Variants in FNDC3B observed in about 807,000 individuals in gnomAD.
FNDC3B encodes fibronectin type III domain-containing protein 3B.
FNDC3B carries 12 observed loss-of-function variants against 151.5 expected under a neutral mutation model. The observed-to-expected ratio is 0.08, with a 90% CI of 0.05 to 0.13. The LOEUF (loss-of-function observed/expected upper bound fraction) is 0.13. FNDC3B is among the 10% of genes least tolerant of loss of function. FNDC3B has a pLI of 1.00. For missense variants in FNDC3B, 1,214 were observed against 1,505.3 expected, an observed-to-expected ratio of 0.81 and a Z score of 3.20; for synonymous variants, 528 against 549.0, an observed-to-expected ratio of 0.96 and a Z score of 0.54.
intron 3 of FNDC3B, chr3:172,186,812 T>G: frequency 1.3e-5 from 9 of 691,546 alleles, no homozygotes; most frequent in Non-Finnish European, 2.1e-5. Context: ...GTCATAGATA[T>G]TTCTTCATTA....
chr3:172,204,264 C>T (rs937846086), intron 3 of FNDC3B, among the ~76,000 whole-genome samples: 4 of 152,078 alleles, frequency 2.6e-5, no homozygotes, highest in African/African-American at 7.2e-5. Flanking sequence ...AAGCATGCAC[C>T]GGAGACGCTT....
chr3:172,127,396 T>C (rs1445400263), intron 2 of FNDC3B, among the ~76,000 whole-genome samples: 1 of 152,226 alleles, frequency 6.6e-6, no homozygotes, highest in Non-Finnish European at 1.5e-5. Flanking sequence ...GTATACATTT[T>C]GGTCAGACAT....
intron 1 of FNDC3B, among the ~76,000 whole-genome samples, chr3:172,094,987 TG>T (rs1719028441): frequency 6.6e-6 from 1 of 151,952 alleles, no homozygotes; most frequent in African/African-American, 2.4e-5. Flanking sequence ...GTGTTGCTGC[TG>T]GTGGTGGTAA....
At chr3:172,079,579 C>G (rs1718182574) in intron 1 of FNDC3B, among the ~76,000 whole-genome samples, 1 of 152,220 alleles carries the variant, frequency 6.6e-6, no homozygotes, top group Non-Finnish European at 1.5e-5. Context: ...TGAGGTCTTA[C>G]TTTAGCACTG....
At position 172,112,448 on chromosome 3, in the gene FNDC3B, G is replaced by T. The variant is rs200136895; in HGVS notation, c.-28-4G>T. On this transcript the variant is annotated splice_region_variant and splice_polypyrimidine_tract_variant and intron_variant, in intron 1 of 25. Coordinates refer to ENST00000415807, the MANE Select transcript of FNDC3B (RefSeq NM_022763.4). ...CTTTTTAAAAAGCGGCGGTTCTCTTGCAGGAAGCCAGTTGAGGGAAGTTCT... is the reference window on the plus strand; with the variant it reads ...CTTTTTAAAAAGCGGCGGTTCTCTTTCAGGAAGCCAGTTGAGGGAAGTTCT... 2 of 1,500,914 alleles carry T rather than the reference G, an allele frequency of 1.3e-6. No individual in the cohort carries two copies. Among genetic ancestry groups the T allele is most frequent in the African/African-American group, 2.7e-5 (2 of 72,846 alleles). The allele number at this position is 1,500,914 out of a possible 1,614,324, so 93.0% of individuals were successfully genotyped here. A position where few individuals can be genotyped will look rare whatever the true frequency, so the allele number is the denominator to read the frequency against.
At chr3:172,323,374 G>T (rs1049205524) in intron 11 of FNDC3B, among the ~76,000 whole-genome samples, 1 of 152,058 alleles carries the variant, frequency 6.6e-6, no homozygotes, top group African/African-American at 2.4e-5. Context: ...TTAGCCAGGT[G>T]TGGTGGTGCA....
At chr3:172,156,227 G>A (rs1240116028) in intron 3 of FNDC3B, among the ~76,000 whole-genome samples, 1 of 152,184 alleles carries the variant, frequency 6.6e-6, no homozygotes, top group East Asian at 1.9e-4. Flanking sequence ...TTAATCTCAT[G>A]TGTTTTGCCA....
intron 1 of FNDC3B, among the ~76,000 whole-genome samples, chr3:172,074,580 G>A (rs1008840834): frequency 9.2e-5 from 14 of 152,346 alleles, no homozygotes; most frequent in Admixed American, 7.2e-4. Context: ...TCTTTTGGCT[G>A]TAGAGTATGA....
intron 11 of FNDC3B, among the ~76,000 whole-genome samples, chr3:172,323,926 C>T (rs980531552): frequency 5.3e-5 from 8 of 152,194 alleles, no homozygotes; most frequent in South Asian, 2.1e-4. Flanking sequence ...GTATTCTAAG[C>T]GTTACTAGGC....
rs750780721 is a variant in FNDC3B, at chr3:172,362,671, C to A, written c.2834C>A (p.Pro945Gln). The A allele has an allele frequency of 6.2e-7, 1 of 1,613,890 alleles. No individual in the cohort carries two copies. The highest frequency in any genetic ancestry group is 1.1e-5 in the South Asian group (1 of 91,076). Residue 945 changes from proline to glutamine, a missense_variant, in exon 23 of 26, where the codon CCA (proline) becomes CAA (glutamine). This residue lies in a region of FNDC3B where 284 missense variants were observed against 392.4 expected (regional missense o/e 0.72). Transcript: ENST00000415807. ...GCTATAAATGAAATTGGAGCTGGAC[C>A]ATTTAGTCAGTTCATTAAAGCAAAA... is the stretch of plus-strand genomic sequence containing the variant. Reference protein sequence around the residue: ...IQAINEIGAGPFSQFIKAKTR... With the variant: ...IQAINEIGAGQFSQFIKAKTR...
chr3:172,307,818 G>A (rs181097750), intron 10 of FNDC3B, among the ~76,000 whole-genome samples: 1 of 152,294 alleles, frequency 6.6e-6, no homozygotes, highest in East Asian at 1.9e-4. Context: ...TGTCATTTCT[G>A]TAAGAGTTGG....
intron 3 of FNDC3B, among the ~76,000 whole-genome samples, chr3:172,174,930 G>T (rs6764935): frequency 1.4e-4 from 2 of 14,698 alleles, no homozygotes; most frequent in Non-Finnish European, 2.8e-4. Flanking sequence ...CCTTCCCCCC[G>T]CCACCCCCCC....
intron 3 of FNDC3B, among the ~76,000 whole-genome samples, chr3:172,204,438 C>T (rs528202470): frequency 6.6e-6 from 1 of 152,274 alleles, no homozygotes; most frequent in East Asian, 1.9e-4. Context: ...CAAAATAGAA[C>T]TCTGAGTTTC....
intron 3 of FNDC3B, among the ~76,000 whole-genome samples, chr3:172,136,886 A>AT (rs983498719): frequency 9.9e-5 from 15 of 152,046 alleles, no homozygotes; most frequent in African/African-American, 2.9e-4. Flanking sequence ...CACCTGTCTA[A>AT]TTTTTTTGTA....
At chr3:172,241,522 G>C (rs998294892) in intron 4 of FNDC3B, among the ~76,000 whole-genome samples, 15 of 151,532 alleles carry the variant, frequency 9.9e-5, no homozygotes, top group African/African-American at 3.4e-4. Context: ...AATCATGGTA[G>C]AAGGCAAGGA....
intron 22 of FNDC3B, among the ~76,000 whole-genome samples, chr3:172,360,922 C>T (rs1277588736): frequency 6.6e-6 from 1 of 152,034 alleles, no homozygotes; most frequent in Non-Finnish European, 1.5e-5. Context: ...AGTTCCTTTG[C>T]CTTTCCACAT....
chr3:172,314,088 GC>G (rs1286371726), intron 11 of FNDC3B, among the ~76,000 whole-genome samples: 1 of 152,170 alleles, frequency 6.6e-6, no homozygotes, highest in Admixed American at 6.5e-5. Context: ...AGTTTCTACA[GC>G]CAGGTGCATC....
In FNDC3B at chr3:172,285,970, A is replaced by G. The variant is rs1266123065; in HGVS notation, c.835A>G (p.Ile279Val). 6 of 1,612,028 alleles carry G rather than the reference A, an allele frequency of 3.7e-6. No individual in the cohort carries two copies. Among genetic ancestry groups the G allele is most frequent in the Non-Finnish European group, 5.1e-6 (6 of 1,178,516 alleles). ...GAGGGTGCAAGACATTCTTTCGGGA[A>G]TAGAGAAACCACAGGTATGTCTTCT... is the stretch of plus-strand genomic sequence containing the variant. ...VKRVQDILSG[I>V]EKPQVSNIQA... Residue 279 changes from isoleucine (I) to valine (V), a missense_variant, in exon 7 of 26, where the codon ATA becomes GTA. Ile to Val is a conservative substitution (Grantham distance 29). Transcript: ENST00000415807.
At position 172,247,587 on chromosome 3, in the gene FNDC3B, G is replaced by C. The variant is rs937741044; in HGVS notation, c.319G>C (p.Glu107Gln). 2.5e-6 allele frequency: 4 copies of C among 1,614,064 alleles called. No individual in the cohort carries two copies. The highest frequency in any genetic ancestry group is 2.5e-6 in the Non-Finnish European group (3 of 1,179,966). The change falls in exon 5 of 26, where the codon GAG becomes CAG. Residue 107 changes from glutamate (E) to glutamine (Q), a missense_variant. This residue lies in a region of FNDC3B where 113 missense variants were observed against 177.8 expected (regional missense o/e 0.64). Transcript: ENST00000415807. ...GGTGGTGGTCACACCCCAGTCTCCT[G>C]AGTGTTATCCCCCAAGCTACCCCTC... ...RRVVVTPQSP[E>Q]CYPPSYPSAM...
Sources: gnomAD v4.1 joint callset for allele counts (sites outside exome capture counted in the v4.1 genomes callset) on GRCh38, gnomAD v4.1.1 for gene constraint, gnomAD v4.1.1 regional missense constraint, MANE v1.5 for transcripts, NCBI Gene and HGNC (gene_info 2026-07-23, HGNC 2026-07-21) for gene names.